Variants in WDPCP observed in about 807,000 individuals in gnomAD.
WDPCP encodes WD repeat-containing and planar cell polarity effector protein fritz homolog.
A neutral mutation model predicts 93.1 loss-of-function variants in WDPCP; 71 were observed. That is an observed-to-expected ratio of 0.76 (90% CI 0.63 to 0.93). The LOEUF is 0.93. Ranked by LOEUF, WDPCP falls within the 40% of genes least tolerant of loss-of-function variation. The pLI is 0.00. For synonymous variants in WDPCP, 315 were observed against 315.0 expected (o/e 1.00, Z 0.00); for missense variants, 844 against 887.4 (o/e 0.95, Z 0.62).
At chr2:63,662,434 C>T (rs545839164) in intron 2 of WDPCP, among the ~76,000 whole-genome samples, 13 of 152,190 alleles carry the variant, frequency 8.5e-5, no homozygotes, top group East Asian at 7.7e-4. Context: ...ACAGAAAACA[C>T]GAGATTTCTG....
chr2:63,235,936 A>T (rs1679351637), intron 14 of WDPCP, among the ~76,000 whole-genome samples: 1 of 152,200 alleles, frequency 6.6e-6, no homozygotes, highest in Non-Finnish European at 1.5e-5. Context: ...GAACAGGAAC[A>T]ACACAAAGAT....
At chr2:63,730,374 G>A (rs1014072886) in intron 2 of WDPCP, among the ~76,000 whole-genome samples, 3 of 152,144 alleles carry the variant, frequency 2.0e-5, no homozygotes, top group African/African-American at 7.2e-5. Flanking sequence ...GCTACCCCTC[G>A]CTATCAAAAT....
chr2:63,543,505 ATAACT>A (rs962596007), intron 1 of WDPCP, among the ~76,000 whole-genome samples: 1 of 152,228 alleles, frequency 6.6e-6, no homozygotes, highest in Non-Finnish European at 1.5e-5. Flanking sequence ...AAATTGGAAA[ATAACT>A]TAAAAGGAAA....
chr2:63,593,378 G>C (rs575234373), upstream of WDPCP: 13 of 349,274 alleles, frequency 3.7e-5, no homozygotes, highest in African/African-American at 2.6e-4. Context: ...ACAGGCATGA[G>C]CCACCATCCC....
chr2:63,544,214 C>G (rs1704966998), intron 1 of WDPCP, among the ~76,000 whole-genome samples: 1 of 151,960 alleles, frequency 6.6e-6, no homozygotes, highest in Admixed American at 6.6e-5. Context: ...ACAACTGCAC[C>G]ACCTAGTGTT....
At chr2:63,662,052 A>T (rs1033028095) in intron 2 of WDPCP, among the ~76,000 whole-genome samples, 5 of 152,230 alleles carry the variant, frequency 3.3e-5, no homozygotes, top group Non-Finnish European at 7.3e-5. Flanking sequence ...ATTGGAATGG[A>T]TCATGGTGGT....
intron 14 of WDPCP, among the ~76,000 whole-genome samples, chr2:63,197,504 G>GTATT (rs1417874052): frequency 6.6e-6 from 1 of 152,082 alleles, no homozygotes; most frequent in Admixed American, 6.6e-5. Flanking sequence ...CAATTTGGCA[G>GTATT]TATTAATAAG....
chr2:63,340,202 G>A (rs902151713), intron 12 of WDPCP, among the ~76,000 whole-genome samples: 3 of 152,000 alleles, frequency 2.0e-5, no homozygotes, highest in African/African-American at 7.3e-5. Context: ...TTTGGCTCAA[G>A]GTGGCTCTTT....
rs372390362 is a variant in WDPCP at position 63,368,606 on chromosome 2, G to A, written c.1748+9780C>T. 1.8e-4 allele frequency among the ~76,000 whole-genome samples: 27 copies of A among 151,494 alleles called. 1 individual carries two copies. The East Asian group carries it at 4.3e-3, about 24-fold the overall frequency. On this transcript the variant is annotated intron_variant, in intron 12 of 17. Transcript: ENST00000272321. ...CTCTCAAAGTGCTGGGATTATAGGCGTGAGCCACCACGCCCAGCCAATTTT... is the reference window on the plus strand; with the variant it reads ...CTCTCAAAGTGCTGGGATTATAGGCATGAGCCACCACGCCCAGCCAATTTT...
chr2:63,588,992 C>G, upstream of WDPCP: 1 of 1,614,136 alleles, frequency 6.2e-7, no homozygotes, highest in East Asian at 2.2e-5. Context: ...GGTGACCTGA[C>G]TCTCTGAGGC....
chr2:63,137,734 T>C (rs2103653352), intron 17 of WDPCP, among the ~76,000 whole-genome samples: 1 of 152,234 alleles, frequency 6.6e-6, no homozygotes, highest in East Asian at 1.9e-4. Context: ...TTTTTGTATA[T>C]GATCTAATGA....
intron 9 of WDPCP, among the ~76,000 whole-genome samples, chr2:63,424,092 G>A (rs1248227273): frequency 6.6e-6 from 1 of 152,086 alleles, no homozygotes; most frequent in Non-Finnish European, 1.5e-5. Flanking sequence ...GTGAAGTGAT[G>A]GCAGGGGAAC....
At chr2:63,531,848 G>C (rs1703878176) in intron 1 of WDPCP, among the ~76,000 whole-genome samples, 1 of 152,158 alleles carries the variant, frequency 6.6e-6, no homozygotes, top group Non-Finnish European at 1.5e-5. Flanking sequence ...AACAAAGCTG[G>C]ACAGAGAATG....
At chr2:63,294,508 G>GAAAAA (rs59228476) in intron 13 of WDPCP, among the ~76,000 whole-genome samples, 2 of 48,324 alleles carry the variant, frequency 4.1e-5, no homozygotes, top group Non-Finnish European at 7.2e-5. Flanking sequence ...AGACTGTTTC[G>GAAAAA]AAAAAAAAAA....
chr2:63,561,790 T>C (rs1706649431), intron 1 of WDPCP, among the ~76,000 whole-genome samples: 1 of 152,166 alleles, frequency 6.6e-6, no homozygotes, highest in Non-Finnish European at 1.5e-5. Flanking sequence ...TCACTAATCA[T>C]TGAGAAATGC....
intron 1 of WDPCP, among the ~76,000 whole-genome samples, chr2:63,577,843 A>C (rs1042322171): frequency 5.3e-5 from 8 of 152,218 alleles, no homozygotes; most frequent in African/African-American, 1.7e-4. Context: ...TTAATTATAC[A>C]TGGAATTAAC....
rs1300287369 is a variant in WDPCP, at chr2:63,404,525, C to T, written c.958G>A (p.Glu320Lys). The change falls in exon 10 of 18, where the codon GAA (glutamate) becomes AAA (lysine). Residue 320 changes from glutamate to lysine, a missense_variant. By Grantham distance (56) the Glu-to-Lys change is moderately conservative. Transcript: ENST00000272321. ...CACTGGATTTTATTCCGAATGCATT[C>T]ATAGATGCAGCTGTCAGCCATGGGC... Reference protein sequence around the residue: ...KEPMADSCIYECIRNKIQCVS... With the variant: ...KEPMADSCIYKCIRNKIQCVS... 2.5e-6 allele frequency: 4 copies of T among 1,613,614 alleles called. No individual in the cohort carries two copies. The East Asian group carries it at 6.7e-5, about 27-fold the overall frequency.
At chr2:63,198,564 G>C (rs1384192120) in intron 14 of WDPCP, among the ~76,000 whole-genome samples, 1 of 152,152 alleles carries the variant, frequency 6.6e-6, no homozygotes, top group African/African-American at 2.4e-5. Flanking sequence ...GGCAGATTTT[G>C]CCCTTGCTGT....
chr2:63,318,799 T>C (rs1403593394), intron 12 of WDPCP, among the ~76,000 whole-genome samples: 2 of 152,142 alleles, frequency 1.3e-5, no homozygotes, highest in Non-Finnish European at 2.9e-5. Flanking sequence ...ATTGAAAAAG[T>C]ACCTATCGAA....
Sources: allele counts gnomAD v4.1 joint callset (sites outside exome capture counted in the v4.1 genomes callset), GRCh38; gene constraint gnomAD v4.1.1; transcripts MANE v1.5; gene names NCBI Gene and HGNC (gene_info 2026-07-23, HGNC 2026-07-21).